The following ARMC2 variants were observed in gnomAD, a reference collection of about 807,000 sequenced individuals.
ARMC2 encodes armadillo repeat-containing protein 2.
A neutral mutation model predicts 90.3 loss-of-function variants in ARMC2; 67 were observed. That is an observed-to-expected ratio of 0.74 (90% confidence interval 0.61 to 0.91). The LOEUF (loss-of-function observed/expected upper bound fraction) is 0.91, where lower values mean the gene tolerates loss of function less well. Among genes scored for constraint, ARMC2 ranks in the 40% least tolerant of loss-of-function variants. The probability of loss-of-function intolerance (pLI) is 0.00; values close to 1 mark genes in which losing one functional copy is unlikely to be tolerated. For missense variants in ARMC2, 920 were observed against 1,030.9 expected (o/e 0.89, Z 1.47); for synonymous variants, 393 against 393.0 (o/e 1.00, Z 0.00).
the ARMC2 span, among the ~76,000 whole-genome samples, chr6:109,042,530 C>T: frequency 2.4e-5 from 3 of 123,316 alleles, no homozygotes; most frequent in Non-Finnish European, 5.2e-5. Flanking sequence ...AGGATTATTG[C>T]GAAAAAAAAA....
intron 11 of ARMC2, among the ~76,000 whole-genome samples, chr6:108,935,933 C>G (rs9400256): frequency 0.031 from 4,767 of 152,106 alleles, 212 homozygotes; most frequent in East Asian, 0.2. Context: ...CTTTGAGATA[C>G]CAGTTCTCTG....
At chr6:109,029,718 GAC>G in the ARMC2 span, among the ~76,000 whole-genome samples, 10 of 152,160 alleles carry the variant, frequency 6.6e-5, no homozygotes, top group East Asian at 1.6e-3. Context: ...TTTTTGTAGA[GAC>G]AGAGTCTTGC....
chr6:108,961,416 G>A (rs542301395), intron 13 of ARMC2, among the ~76,000 whole-genome samples, 156 bp from the exon 14 acceptor site: 16 of 152,284 alleles, frequency 1.1e-4, no homozygotes, highest in Admixed American at 6.5e-4. Context: ...AGGAGGAGTC[G>A]GGGGAAATCA....
In ARMC2 at chr6:108,858,112, G is replaced by GT. The variant is rs980320335; in HGVS notation, c.219-81dup. On this transcript the variant is annotated intron_variant, in intron 2 of 17. Coordinates refer to ENST00000392644, the MANE Select transcript of ARMC2 (RefSeq NM_032131.6). ...GTTTATGCATTGCATCCTTTTACTT[G>GT]TTTTTTAGCTAGGGTTAACTAATAT... 31 of 1,057,256 alleles carry GT rather than the reference G, an allele frequency of 2.9e-5. No homozygotes were observed. In the Admixed American group the frequency reaches 3.8e-4, roughly 13 times the overall value. 65.5% of individuals were successfully genotyped at this position (1,057,256 alleles called of 1,614,324 possible).
chr6:108,908,085 G>T (rs1772975162), intron 8 of ARMC2, among the ~76,000 whole-genome samples: 2 of 152,116 alleles, frequency 1.3e-5, no homozygotes. Context: ...ACTTCACTGT[G>T]CACATGCATC....
At chr6:108,918,188 G>T (rs945992340) in intron 10 of ARMC2, among the ~76,000 whole-genome samples, 3 of 152,142 alleles carry the variant, frequency 2.0e-5, no homozygotes, top group Admixed American at 6.5e-5. Context: ...GACAGATTCT[G>T]TGAAAATGGC....
At chr6:108,930,343 A>T (rs1463266798) in intron 11 of ARMC2, among the ~76,000 whole-genome samples, 1 of 150,682 alleles carries the variant, frequency 6.6e-6, no homozygotes, top group Non-Finnish European at 1.5e-5. Flanking sequence ...TCTACATATA[A>T]TTTTTTTTTC....
chr6:108,918,667 C>T (rs1333312817), intron 10 of ARMC2, among the ~76,000 whole-genome samples: 1 of 152,076 alleles, frequency 6.6e-6, no homozygotes, highest in African/African-American at 2.4e-5. Context: ...GCACTGGAGC[C>T]CCCAGCATAA....
At chr6:108,924,490 A>G (rs1391719389) in intron 10 of ARMC2, among the ~76,000 whole-genome samples, 1 of 64,546 alleles carries the variant, frequency 1.5e-5, no homozygotes, top group African/African-American at 4.7e-5. Flanking sequence ...TGTCTCGAAA[A>G]AGAAAAAAGA....
At chr6:109,019,352 A>G in the ARMC2 span, among the ~76,000 whole-genome samples, 1 of 152,198 alleles carries the variant, frequency 6.6e-6, no homozygotes, top group Non-Finnish European at 1.5e-5. Context: ...AATAATTTCA[A>G]CTGGTTCCAG....
At chr6:108,931,326 A>T (rs930623694) in intron 11 of ARMC2, among the ~76,000 whole-genome samples, 1 of 151,880 alleles carries the variant, frequency 6.6e-6, no homozygotes, top group Admixed American at 6.6e-5. Flanking sequence ...TCTGTCAATG[A>T]TGGGCACTTA....
chr6:108,881,312 T>TCCTTCCTTCCTTCCTTCCTTCCTA (rs1777556163), intron 5 of ARMC2, among the ~76,000 whole-genome samples: 1 of 136,398 alleles, frequency 7.3e-6, no homozygotes, highest in Non-Finnish European at 1.6e-5. Flanking sequence ...CTTCCTTCCT[T>TCCTTCCTTCCTTCCTTCCTTCCTA]CCTTCACTCC....
the ARMC2 span, among the ~76,000 whole-genome samples, chr6:109,043,060 C>G: frequency 6.6e-6 from 1 of 152,096 alleles, no homozygotes; most frequent in East Asian, 1.9e-4. Flanking sequence ...TCAATGCAAT[C>G]TACCATTTTA....
intron 1 of ARMC2, among the ~76,000 whole-genome samples, chr6:108,853,039 A>T (rs1774164361): frequency 6.6e-6 from 1 of 152,194 alleles, no homozygotes. Context: ...CATTTTTGAT[A>T]GTTATATTAA....
chr6:108,945,486 G>A (rs970703192), intron 12 of ARMC2, among the ~76,000 whole-genome samples: 3 of 152,164 alleles, frequency 2.0e-5, no homozygotes, highest in Non-Finnish European at 2.9e-5. Flanking sequence ...CTCTCTCCAC[G>A]TTTAGATACG....
intron 11 of ARMC2, among the ~76,000 whole-genome samples, chr6:108,936,316 G>A (rs1055807095): frequency 6.6e-6 from 1 of 152,162 alleles, no homozygotes; most frequent in African/African-American, 2.4e-5. Flanking sequence ...GAGTGCAGTG[G>A]TTCAATCTTG....
chr6:109,008,993 C>T, the ARMC2 span: 21 of 1,018,334 alleles, frequency 2.1e-5, no homozygotes, highest in Non-Finnish European at 2.3e-5. Context: ...GTTTCACCCT[C>T]AAGACTCGAG....
intron 5 of ARMC2, among the ~76,000 whole-genome samples, chr6:108,888,694 C>T (rs1770634894): frequency 6.6e-6 from 1 of 152,182 alleles, no homozygotes; most frequent in Non-Finnish European, 1.5e-5. Context: ...AGCTCTATGG[C>T]TGTGTGGAAA....
chr6:108,994,063 C>G, the ARMC2 span, among the ~76,000 whole-genome samples: 1 of 150,222 alleles, frequency 6.7e-6, no homozygotes, highest in African/African-American at 2.5e-5. Flanking sequence ...TCGCTTGAGC[C>G]TAAGAGTCTC....
Sources: gnomAD v4.1 joint callset for allele counts (sites outside exome capture counted in the v4.1 genomes callset) on GRCh38, gnomAD v4.1.1 for gene constraint, MANE v1.5 for transcripts, NCBI Gene and HGNC (gene_info 2026-07-23, HGNC 2026-07-21) for gene names.